Variants in TMEM236 observed in about 807,000 individuals in gnomAD.
TMEM236 encodes transmembrane protein 236, also known as family with sequence similarity 23, member A.
A neutral mutation model predicts 14.7 loss-of-function variants in TMEM236; 11 were observed. The observed-to-expected ratio is 0.75, with a 90% CI of 0.47 to 1.24. The LOEUF is 1.24. Ranked by LOEUF, TMEM236 falls within the 50% of genes most tolerant of loss-of-function variation. The pLI is 0.00. For missense variants in TMEM236, 464 were observed against 427.3 expected, an observed-to-expected ratio of 1.09 and a Z score of -0.76; for synonymous variants, 182 against 168.6, an observed-to-expected ratio of 1.08 and a Z score of -0.62.
intron 3 of TMEM236, among the ~76,000 whole-genome samples, chr10:17,790,232 TAATA>T (rs1431333260): frequency 6.6e-6 from 1 of 151,852 alleles, no homozygotes; most frequent in African/African-American, 2.4e-5. Flanking sequence ...GTCTCAAAAA[TAATA>T]AATAAATAAA....
chr10:17,757,121 A>G (rs1837295202), intron 1 of TMEM236, among the ~76,000 whole-genome samples: 1 of 152,184 alleles, frequency 6.6e-6, no homozygotes, highest in South Asian at 2.1e-4. Flanking sequence ...GAGCATTATC[A>G]TATAGTTATC....
chr10:17,783,142 C>T lies in TMEM236; in HGVS notation c.472+6972C>T, dbSNP rs906930961. Among the ~76,000 whole-genome samples, 1,020 of 152,160 alleles carry T rather than the reference C, an allele frequency of 6.7e-3. 9 individuals carry two copies. Among genetic ancestry groups the T allele is most frequent in the African/African-American group, 0.023 (962 of 41,500 alleles). ...GAGTTAACTGCCTCTGGATGGGAGC[C>T]GAATGATATCAGGATGATGATTGCA... On this transcript the variant is annotated intron_variant, in intron 3 of 3. Transcript: ENST00000377495.
intron 3 of TMEM236, among the ~76,000 whole-genome samples, chr10:17,776,569 G>A (rs1372729191): frequency 6.6e-6 from 1 of 152,184 alleles, no homozygotes; most frequent in Admixed American, 6.5e-5. Context: ...TAATATGACT[G>A]TGGTAGTTGT....
intron 2 of TMEM236, 82 bp downstream of exon 2, chr10:17,771,463 C>A: frequency 1.5e-6 from 2 of 1,373,244 alleles, no homozygotes; most frequent in Non-Finnish European, 2.1e-6. Context: ...GAGCAGCGTG[C>A]TCAACAAATT....
chr10:17,768,092 T>TGTTTG (rs1554834479), intron 1 of TMEM236, among the ~76,000 whole-genome samples: 1 of 121,456 alleles, frequency 8.2e-6, no homozygotes, highest in Non-Finnish European at 1.8e-5. Flanking sequence ...TGTGGTTTTT[T>TGTTTG]TTTTTTTTTT....
At chr10:17,790,059 C>T (rs1433486579) in intron 3 of TMEM236, among the ~76,000 whole-genome samples, 2 of 151,542 alleles carry the variant, frequency 1.3e-5, no homozygotes, top group East Asian at 1.9e-4. Flanking sequence ...AAACAAAAAA[C>T]GAACAAAACA....
chr10:17,777,688 G>GT (rs1837681330), intron 3 of TMEM236, among the ~76,000 whole-genome samples: 1 of 152,148 alleles, frequency 6.6e-6, no homozygotes, highest in Non-Finnish European at 1.5e-5. Flanking sequence ...AAAGACACGT[G>GT]TATCTTTTTG....
At chr10:17,763,262 G>A (rs1386293403) in intron 1 of TMEM236, among the ~76,000 whole-genome samples, 1 of 151,856 alleles carries the variant, frequency 6.6e-6, no homozygotes, top group Non-Finnish European at 1.5e-5. Flanking sequence ...GACCACCCTG[G>A]GCAACACAGC....
rs1054017798 is a variant in TMEM236 at position 17,796,597 on chromosome 10, T to C, written c.*93T>C. 4.4e-4 allele frequency: 499 copies of C among 1,144,428 alleles called. No individual in the cohort carries two copies. The highest frequency in any genetic ancestry group is 5.6e-4 in the Non-Finnish European group (437 of 774,222). The allele number at this position is 1,144,428 out of a possible 1,614,324, so 70.9% of individuals were successfully genotyped here. ...TCTTGGGGCGTAGGTGTTTGCACTATAAAGGAAATGACTAGATTGTAGAGA... is the reference window on the plus strand; with the variant it reads ...TCTTGGGGCGTAGGTGTTTGCACTACAAAGGAAATGACTAGATTGTAGAGA... On this transcript the variant is annotated 3_prime_UTR_variant, in exon 4 of 4. Transcript: ENST00000377495.
chr10:17,752,581 T>G, intron 1 of TMEM236, 29 bp downstream of exon 1: 1 of 1,608,936 alleles, frequency 6.2e-7, no homozygotes, highest in Admixed American at 1.7e-5. Flanking sequence ...TTTTTTTTCT[T>G]TTTGATTTGG....
At chr10:17,790,414 T>C (rs1428987097) in intron 3 of TMEM236, among the ~76,000 whole-genome samples, 1 of 151,146 alleles carries the variant, frequency 6.6e-6, no homozygotes, top group Non-Finnish European at 1.5e-5. Flanking sequence ...AATAAACGAA[T>C]GGATGAATGA....
In TMEM236 at chr10:17,798,217, G is replaced by A. The variant is rs1458752130; in HGVS notation, c.*1713G>A. 8.7e-6 allele frequency: 2 copies of A among 230,104 alleles called. No homozygotes were observed. Among genetic ancestry groups the A allele is most frequent in the African/African-American group, 2.3e-5 (1 of 43,128 alleles). 14.3% of individuals were successfully genotyped at this position (230,104 alleles called of 1,614,324 possible). A position where few individuals can be genotyped will look rare whatever the true frequency, so the allele number is the denominator to read the frequency against. Reference sequence around the variant, plus strand: ...TGTGATAACAAATCATTAAGAATGAGACATATGGCTTAAGAATGAAGCTTA... The same window carrying A: ...TGTGATAACAAATCATTAAGAATGAAACATATGGCTTAAGAATGAAGCTTA... On this transcript the variant is annotated 3_prime_UTR_variant, in exon 4 of 4. Coordinates refer to ENST00000377495, the MANE Select transcript of TMEM236 (RefSeq NM_001098844.3).
chr10:17,783,935 C>A (rs1483780589), intron 3 of TMEM236, among the ~76,000 whole-genome samples: 11 of 151,458 alleles, frequency 7.3e-5, no homozygotes, highest in Non-Finnish European at 1.6e-4. Flanking sequence ...CTTTTATTTT[C>A]TTCTTCTACT....
At chr10:17,755,739 T>C (rs1482300507) in intron 1 of TMEM236, among the ~76,000 whole-genome samples, 1 of 152,144 alleles carries the variant, frequency 6.6e-6, no homozygotes, top group Admixed American at 6.5e-5. Flanking sequence ...ACAACAGGAA[T>C]AAACCAATGG....
intron 2 of TMEM236, among the ~76,000 whole-genome samples, chr10:17,771,728 C>A (rs1255394517): frequency 2.0e-5 from 3 of 152,198 alleles, no homozygotes; most frequent in Non-Finnish European, 2.9e-5. Context: ...ATGAATACAA[C>A]AAGATCTAAG....
At chr10:17,766,665 T>C (rs1466815722) in intron 1 of TMEM236, among the ~76,000 whole-genome samples, 1 of 152,162 alleles carries the variant, frequency 6.6e-6, no homozygotes, top group Non-Finnish European at 1.5e-5. Context: ...CATTCCACAT[T>C]GCAGTCGCAA....
At chr10:17,754,542 G>A (rs1234056466) in intron 1 of TMEM236, among the ~76,000 whole-genome samples, 1 of 152,040 alleles carries the variant, frequency 6.6e-6, no homozygotes, top group African/African-American at 2.4e-5. Context: ...GCTCAGGCTG[G>A]TTCCAAACTC....
chr10:17,774,916 G>C (rs1244262232), intron 2 of TMEM236, among the ~76,000 whole-genome samples: 1 of 151,944 alleles, frequency 6.6e-6, no homozygotes, highest in Non-Finnish European at 1.5e-5. Context: ...TCCTGCCTCA[G>C]TGTCCTGAGT....
At chr10:17,789,494 C>T (rs956131653) in intron 3 of TMEM236, among the ~76,000 whole-genome samples, 7 of 152,186 alleles carry the variant, frequency 4.6e-5, no homozygotes, top group Non-Finnish European at 1.0e-4. Flanking sequence ...CAGATGCTGA[C>T]GAATTCCTTC....
Sources: gnomAD v4.1 joint callset for allele counts (sites outside exome capture counted in the v4.1 genomes callset) on GRCh38, gnomAD v4.1.1 for gene constraint, MANE v1.5 for transcripts, NCBI Gene and HGNC (gene_info 2026-07-23, HGNC 2026-07-21) for gene names.